Variants in ZFHX2 observed in about 807,000 individuals in gnomAD.
The protein encoded by ZFHX2 is zinc finger homeobox 2.
A neutral mutation model predicts 164.8 loss-of-function variants in ZFHX2; 75 were observed. The observed-to-expected ratio is 0.46, with a 90% CI of 0.38 to 0.55. ZFHX2 has a LOEUF of 0.55. Ranked by LOEUF, ZFHX2 falls within the 20% of genes least tolerant of loss-of-function variation. The pLI, the probability that ZFHX2 is intolerant of heterozygous loss-of-function variation, is 0.00. For missense variants in ZFHX2, 2,933 were observed against 3,308.0 expected (o/e 0.89, Z 2.78); for synonymous variants, 1,217 against 1,351.4 (o/e 0.90, Z 2.18).
Position 23,524,193 on chromosome 14 carries a change from A to C in ZFHX2, c.5749T>G (p.Phe1917Val). 3 of 1,536,120 alleles carry C rather than the reference A, an allele frequency of 2.0e-6. No individual in the cohort carries two copies. The highest frequency in any genetic ancestry group is 2.6e-6 in the Non-Finnish European group (3 of 1,146,942). The change falls in exon 9 of 10, where the codon TTT (phenylalanine) becomes GTT (valine). Residue 1917 changes from phenylalanine to valine, a missense_variant. Physicochemically the swap from Phe to Val is conservative, Grantham distance 50. Transcript: ENST00000419474. The surrounding 1 kb of genome is among the most constrained non-coding windows in gnomAD (Gnocchi z 5.6). ...GGCACCCCCCCAGGGGTGCTTCGAA[A>C]CTGGCCTTTCCTCTCCCGGGCCCTG... is the stretch of plus-strand genomic sequence containing the variant. Reference protein sequence around the residue: ...NTRARERKGQFRSTPGGVPSP... With the variant: ...NTRARERKGQVRSTPGGVPSP...
At chr14:23,537,408 GC>G (rs1880299456) in intron 1 of ZFHX2, among the ~76,000 whole-genome samples, 1 of 152,054 alleles carries the variant, frequency 6.6e-6, no homozygotes, top group South Asian at 2.1e-4. Flanking sequence ...CGTGTAAGGG[GC>G]GAGGGGCGTG....
At position 23,524,206 on chromosome 14, in the gene ZFHX2, C is replaced by T; in HGVS notation, c.5736G>A (p.Glu1912=). ...GGGTGCTTCGAAACTGGCCTTTCCT[C>T]TCCCGGGCCCTGGTATTCTGGAACC... The part of the protein sequence containing the change: ...QVWFQNTRAR[E]RKGQFRSTPG... The change falls in exon 9 of 10, where the codon GAG becomes GAA. Residue 1912 remains glutamate (E), a synonymous_variant. Transcript: ENST00000419474. This position sits in a 1 kb window ranked among gnomAD's most constrained non-coding sequence, Gnocchi z 5.6. The T allele has an allele frequency of 2.0e-6, 3 of 1,536,440 alleles. No individual in the cohort carries two copies. The highest frequency in any genetic ancestry group is 2.6e-6 in the Non-Finnish European group (3 of 1,147,018).
In ZFHX2 at chr14:23,534,262, G is replaced by A; in HGVS notation, c.1064C>T (p.Pro355Leu). ...PPSPPTATWD[P>L]SPTQAKESPV... ...CGATTCTTTGGCTTGGGTTGGGCTG[G>A]GGTCCCAGGTGGCTGTGGGTGGAGA... is the stretch of plus-strand genomic sequence containing the variant. The change falls in exon 2 of 10, where the codon CCC (proline) becomes CTC (leucine). Residue 355 changes from proline to leucine, a missense_variant. Pro to Leu is a moderately conservative substitution (Grantham distance 98). Transcript: ENST00000419474. The surrounding 1 kb of genome is among the most constrained non-coding windows in gnomAD (Gnocchi z 4.5). The A allele has an allele frequency of 2.0e-6, 3 of 1,529,428 alleles. No homozygotes were observed. Among genetic ancestry groups the A allele is most frequent in the Non-Finnish European group, 2.6e-6 (3 of 1,142,462 alleles). The allele number at this position is 1,529,428 out of a possible 1,614,324, so 94.7% of individuals were successfully genotyped here.
intron 1 of ZFHX2, among the ~76,000 whole-genome samples, chr14:23,545,295 G>A (rs935251881): frequency 1.3e-5 from 2 of 152,342 alleles, no homozygotes; most frequent in East Asian, 1.9e-4. Context: ...CGCAGGCCGA[G>A]ACCATGGCCT....
At chr14:23,542,936 A>T (rs1431665649) in intron 1 of ZFHX2, 1 of 152,074 alleles carries the variant, frequency 6.6e-6, no homozygotes, top group Non-Finnish European at 1.5e-5. Context: ...GGGTTTCACC[A>T]TGTTGTCCAG....
chr14:23,522,376 C>T lies in ZFHX2; in HGVS notation c.7305G>A (p.Leu2435=). The T allele has an allele frequency of 6.5e-7, 1 of 1,536,206 alleles. No homozygotes were observed. The highest frequency in any genetic ancestry group is 8.7e-7 in the Non-Finnish European group (1 of 1,146,886). ...GEGEAGEVDE[L]LTGSTGISTV... ...TGGAGATGCCAGTGCTGCCTGTCAG[C>T]AGCTCATCAACCTCACCAGCTTCCC... The change falls in exon 10 of 10, where the codon CTG becomes CTA. Residue 2435 remains leucine (L), a synonymous_variant. Coordinates refer to ENST00000419474, the MANE Select transcript of ZFHX2 (RefSeq NM_033400.3).
chr14:23,531,342 G>C (rs879324621), intron 4 of ZFHX2, 139 bp downstream of exon 4: 1 of 1,230,532 alleles, frequency 8.1e-7, no homozygotes, highest in East Asian at 3.0e-5. Flanking sequence ...TTATCCCTTC[G>C]CAGCTTCTTC....
intron 1 of ZFHX2, among the ~76,000 whole-genome samples, chr14:23,547,756 CTCTT>C (rs1040027194): frequency 2.6e-5 from 4 of 152,190 alleles, no homozygotes; most frequent in African/African-American, 9.7e-5. Flanking sequence ...AGGTGGGCAA[CTCTT>C]TCCCCCAGCC....
rs1376102903 is a variant in ZFHX2 at position 23,523,106 on chromosome 14, A to T, written c.6739+97T>A. The T allele has an allele frequency of 5.0e-6, 7 of 1,402,306 alleles. No homozygotes were observed. In the Admixed American group the frequency reaches 9.6e-5, roughly 19 times the overall value. The allele number at this position is 1,402,306 out of a possible 1,614,324, so 86.9% of individuals were successfully genotyped here. A position where few individuals can be genotyped will look rare whatever the true frequency, so the allele number is the denominator to read the frequency against. On this transcript the variant is annotated intron_variant, in intron 9 of 9. Coordinates refer to ENST00000419474, the MANE Select transcript of ZFHX2 (RefSeq NM_033400.3). This position sits in a 1 kb window ranked among gnomAD's most constrained non-coding sequence, Gnocchi z 4.1. ...GCCTGATGCAAAGGAAGGCCACAGG[A>T]GATTGGGCATGGGAAGAATCAGGAA...
At chr14:23,553,443 T>C (rs180778223), upstream of ZFHX2, among the ~76,000 whole-genome samples, 8 of 151,182 alleles carry the variant, frequency 5.3e-5, no homozygotes, top group East Asian at 5.9e-4. Context: ...CTACTAAAAA[T>C]ACAAAATTAG....
At chr14:23,541,279 T>C (rs910578405) in intron 1 of ZFHX2, among the ~76,000 whole-genome samples, 2 of 149,724 alleles carry the variant, frequency 1.3e-5, no homozygotes, top group Non-Finnish European at 3.0e-5. Context: ...GAATCTTAGA[T>C]GGACAGGATT....
intron 1 of ZFHX2, among the ~76,000 whole-genome samples, chr14:23,548,158 T>C (rs1222582931): frequency 6.6e-6 from 1 of 152,218 alleles, no homozygotes; most frequent in Non-Finnish European, 1.5e-5. Context: ...GCCCTTCTCC[T>C]TTCACATTCT....
In ZFHX2 at chr14:23,551,318, C is replaced by G. The variant is rs1881930199; in HGVS notation, c.-50+25G>C. 6.6e-6 allele frequency: 1 copy of G among 152,636 alleles called. No homozygotes were observed. 9.5% of individuals were successfully genotyped at this position (152,636 alleles called of 1,614,324 possible). A position where few individuals can be genotyped will look rare whatever the true frequency, so the allele number is the denominator to read the frequency against. Reference sequence around the variant, plus strand: ...GGAGAGGAGAAAAAAACCAACCCAGCAGCATCGGAAATCGATGCACTTACA... The same window carrying G: ...GGAGAGGAGAAAAAAACCAACCCAGGAGCATCGGAAATCGATGCACTTACA... On this transcript the variant is annotated intron_variant, in intron 1 of 9. Transcript: ENST00000419474. This position sits in a 1 kb window ranked among gnomAD's most constrained non-coding sequence, Gnocchi z 5.3.
In ZFHX2 at chr14:23,523,291, G is replaced by C; in HGVS notation, c.6651C>G (p.Ala2217=). The C allele has an allele frequency of 6.9e-7, 1 of 1,441,706 alleles. No homozygotes were observed. Among genetic ancestry groups the C allele is most frequent in the South Asian group, 1.5e-5 (1 of 68,174 alleles). The allele number at this position is 1,441,706 out of a possible 1,614,324, so 89.3% of individuals were successfully genotyped here. The stretch of plus-strand genomic sequence containing the variant: ...CCGGCGCCAGGCGAGGCAAGGTTGG[G>C]GCAGCCCCGAGGGGCATGGAGGCAG... The part of the protein sequence containing the change: ...TTPASMPLGA[A]PTLPRLAPVL... The change falls in exon 9 of 10, where the codon GCC becomes GCG. Residue 2217 remains alanine, a synonymous_variant. Coordinates refer to ENST00000419474, the MANE Select transcript of ZFHX2 (RefSeq NM_033400.3). The surrounding 1 kb of genome is among the most constrained non-coding windows in gnomAD (Gnocchi z 4.1).
chr14:23,546,757 C>T lies in ZFHX2; in HGVS notation c.-50+4586G>A, dbSNP rs1021967920. Among the ~76,000 whole-genome samples, 7 of 152,106 alleles carry T rather than the reference C, an allele frequency of 4.6e-5. No homozygotes were observed. The highest frequency in any genetic ancestry group is 6.5e-5 in the Admixed American group (1 of 15,284). ...AAAAATCAATGAAATGAGTTTCTAA[C>T]GGTGAGGTAAAGGACCACTGTGTCG... On this transcript the variant is annotated intron_variant, in intron 1 of 9. Coordinates refer to ENST00000419474, the MANE Select transcript of ZFHX2 (RefSeq NM_033400.3). The surrounding 1 kb of genome is among the most constrained non-coding windows in gnomAD (Gnocchi z 4.7).
At position 23,523,861 on chromosome 14, in the gene ZFHX2, T is replaced by C. The variant is rs1034778844; in HGVS notation, c.6081A>G (p.Ala2027=). Residue 2027 remains alanine, a synonymous_variant, in exon 9 of 10, where the codon GCA becomes GCG. Coordinates refer to ENST00000419474, the MANE Select transcript of ZFHX2 (RefSeq NM_033400.3). This position sits in a 1 kb window ranked among gnomAD's most constrained non-coding sequence, Gnocchi z 4.1. ...AAGCAGATGAATCACTCAGATCTCCTGCAGAGAGACTGCAAGCCTCACTCT... is the reference window on the plus strand; with the variant it reads ...AAGCAGATGAATCACTCAGATCTCCCGCAGAGAGACTGCAAGCCTCACTCT... ...SPESEACSLS[A]GDLSDSSASS... is the part of the protein sequence containing the mutation. 1 of 1,536,078 alleles carries C rather than the reference T, an allele frequency of 6.5e-7. No homozygotes were observed. The highest frequency in any genetic ancestry group is 1.4e-5 in the African/African-American group (1 of 73,052).
chr14:23,538,901 C>T (rs954153617), intron 1 of ZFHX2, among the ~76,000 whole-genome samples: 4 of 151,980 alleles, frequency 2.6e-5, no homozygotes, highest in East Asian at 1.9e-4. Context: ...GCGCCACAGA[C>T]GGCAGAAAGA....
intron 1 of ZFHX2, among the ~76,000 whole-genome samples, chr14:23,547,857 T>A (rs757346704): frequency 1.3e-5 from 2 of 152,166 alleles, no homozygotes; most frequent in Non-Finnish European, 1.5e-5. Flanking sequence ...TGGAAAACAA[T>A]TGGAAACTAG....
chr14:23,528,681 T>G, intron 6 of ZFHX2: 1 of 985,392 alleles, frequency 1.0e-6, no homozygotes, highest in Non-Finnish European at 1.2e-6. Context: ...GCTCCCACCT[T>G]ATTTTCCATC....
Sources: gnomAD v4.1 joint callset for allele counts (sites outside exome capture counted in the v4.1 genomes callset) on GRCh38, gnomAD v4.1.1 for gene constraint, Gnocchi (gnomAD v3.1) non-coding constraint, MANE v1.5 for transcripts, NCBI Gene and HGNC (gene_info 2026-07-23, HGNC 2026-07-21) for gene names.